The following CHMP2B variants were observed in gnomAD, a reference collection of about 807,000 sequenced individuals.
The protein encoded by CHMP2B is VPS2 homolog B.
A neutral mutation model predicts 29.8 loss-of-function variants in CHMP2B; 22 were observed. The ratio of observed to expected loss-of-function variants is 0.74; its 90% CI spans 0.53 to 1.05. The LOEUF is 1.05. Ranked by LOEUF, CHMP2B falls within the 50% of genes least tolerant of loss-of-function variation. The pLI is 0.00. For missense variants in CHMP2B, 261 were observed against 252.2 expected, an observed-to-expected ratio of 1.03 and a Z score of -0.24; for synonymous variants, 78 against 75.8, an observed-to-expected ratio of 1.03 and a Z score of -0.15.
chr3:87,234,760 G>T (rs1028292704), intron 1 of CHMP2B, among the ~76,000 whole-genome samples: 6 of 152,150 alleles, frequency 3.9e-5, no homozygotes, highest in African/African-American at 1.4e-4. Flanking sequence ...AGAAGCAGAG[G>T]ATAGACAGGA....
At chr3:87,230,711 T>G (rs1007608089) in intron 1 of CHMP2B, among the ~76,000 whole-genome samples, 6 of 152,084 alleles carry the variant, frequency 3.9e-5, no homozygotes, top group Admixed American at 3.3e-4. Context: ...TTTGAAGGAG[T>G]AGTGATGTCT....
rs1261392790 is a variant in CHMP2B, at chr3:87,254,919, A to G, written c.*1097A>G. The G allele has an allele frequency of 6.6e-6, 1 of 152,044 alleles. No homozygotes were observed. Among genetic ancestry groups the G allele is most frequent in the East Asian group, 1.9e-4 (1 of 5,194 alleles). 9.4% of individuals were successfully genotyped at this position (152,044 alleles called of 1,614,324 possible). A position where few individuals can be genotyped will look rare whatever the true frequency, so the allele number is the denominator to read the frequency against. The stretch of plus-strand genomic sequence containing the variant: ...TAAATAAACTACAGTTTTACCAGAA[A>G]TTACTATCTAAATGTGTATTAGCAG... On this transcript the variant is annotated 3_prime_UTR_variant, in exon 6 of 6. Transcript: ENST00000263780.
chr3:87,228,529 C>T lies in CHMP2B; in HGVS notation c.34+973C>T, dbSNP rs562157857. Among the ~76,000 whole-genome samples, 3 of 152,316 alleles carry T rather than the reference C, an allele frequency of 2.0e-5. No individual in the cohort carries two copies. In the South Asian group the frequency reaches 6.2e-4, roughly 32 times the overall value. Reference sequence around the variant, plus strand: ...CAGTGATTGGTACAAATAGGGTGCTCAGTCCAGACCTGGACGTAACTCCTT... The same window carrying T: ...CAGTGATTGGTACAAATAGGGTGCTTAGTCCAGACCTGGACGTAACTCCTT... On this transcript the variant is annotated intron_variant, in intron 1 of 5. Coordinates refer to ENST00000263780, the MANE Select transcript of CHMP2B (RefSeq NM_014043.4).
chr3:87,232,895 T>G (rs1448076817), intron 1 of CHMP2B, among the ~76,000 whole-genome samples: 1 of 152,194 alleles, frequency 6.6e-6, no homozygotes, highest in African/African-American at 2.4e-5. Flanking sequence ...ATCTTTTAGC[T>G]CTTGAAAACC....
intron 4 of CHMP2B, among the ~76,000 whole-genome samples, chr3:87,250,197 A>G (rs1706289597): frequency 6.6e-6 from 1 of 151,974 alleles, no homozygotes; most frequent in Non-Finnish European, 1.5e-5. Flanking sequence ...ACTGATTAGT[A>G]TACCAAAACC....
rs760226693 is a variant in CHMP2B at position 87,245,802 on chromosome 3, A to G, written c.215A>G (p.Lys72Arg). The G allele has an allele frequency of 1.7e-5, 28 of 1,613,790 alleles. No individual in the cohort carries two copies. In the African/African-American group the frequency reaches 3.7e-4, roughly 22 times the overall value. ...CAACTTGTGCATCTACGGAAACAGA[A>G]GACGAGAACTTTTGCTGTAAGTTCA... ...AKQLVHLRKQ[K>R]TRTFAVSSKV... Residue 72 changes from lysine to arginine, a missense_variant, in exon 3 of 6, where the codon AAG (lysine) becomes AGG (arginine). By Grantham distance (26) the Lys-to-Arg change is conservative. Transcript: ENST00000263780.
intron 2 of CHMP2B, among the ~76,000 whole-genome samples, chr3:87,242,543 C>T (rs1706136931): frequency 6.6e-6 from 1 of 152,086 alleles, no homozygotes; most frequent in Non-Finnish European, 1.5e-5. Context: ...GAGTGCCTAA[C>T]TCATAGTCAG....
chr3:87,240,623 C>G, intron 1 of CHMP2B, 76 bp from the exon 2 acceptor site: 2 of 1,020,648 alleles, frequency 2.0e-6, no homozygotes. Context: ...AAATCATGAT[C>G]TGTGAATCCA....
At chr3:87,239,810 A>G (rs1258799088) in intron 1 of CHMP2B, among the ~76,000 whole-genome samples, 1 of 152,156 alleles carries the variant, frequency 6.6e-6, no homozygotes, top group Non-Finnish European at 1.5e-5. Context: ...TTTGTATGTT[A>G]TTTACTCCTT....
chr3:87,239,808 T>C (rs371409615), intron 1 of CHMP2B, among the ~76,000 whole-genome samples: 1 of 152,190 alleles, frequency 6.6e-6, no homozygotes, highest in African/African-American at 2.4e-5. Context: ...CATTTGTATG[T>C]TATTTACTCC....
chr3:87,237,260 C>T (rs1454801490), intron 1 of CHMP2B, among the ~76,000 whole-genome samples: 6 of 152,122 alleles, frequency 3.9e-5, no homozygotes, highest in African/African-American at 1.4e-4. Context: ...GCTCTGACCA[C>T]TCATGTGACT....
intron 1 of CHMP2B, among the ~76,000 whole-genome samples, chr3:87,227,814 G>C (rs561307840): frequency 6.6e-6 from 1 of 152,330 alleles, no homozygotes; most frequent in East Asian, 1.9e-4. Context: ...GCAGGATCCT[G>C]AGCGTTTCGA....
chr3:87,240,730 A>G lies in CHMP2B; in HGVS notation c.66A>G (p.Arg22=). 6.2e-7 allele frequency: 1 copy of G among 1,613,476 alleles called. No homozygotes were observed. Among genetic ancestry groups the G allele is most frequent in the South Asian group, 1.1e-5 (1 of 91,072 alleles). Residue 22 remains arginine, a synonymous_variant, in exon 2 of 6, where the codon CGA becomes CGG. Coordinates refer to ENST00000263780, the MANE Select transcript of CHMP2B (RefSeq NM_014043.4). The stretch of plus-strand genomic sequence containing the variant: ...TAAAGGAACAGAATCGAGAGTTACG[A>G]GGTACACAGAGGGCTATAATCAGAG... ...DVIKEQNREL[R]GTQRAIIRDR... is the part of the protein sequence containing the mutation.
At chr3:87,253,132 AT>A (rs1163525183) in intron 4 of CHMP2B, 53 of 347,952 alleles carry the variant, frequency 1.5e-4, no homozygotes, top group Non-Finnish European at 2.5e-4. Flanking sequence ...TGACTATCAC[AT>A]TTTTTTGTCT....
chr3:87,255,467 CAATA>C lies in CHMP2B; in HGVS notation c.*1648_*1651del, dbSNP rs1399230366. ...CAAAAATTATTTTGTTAAAAAATCT[CAATA>C]AAGATTTATTATTGTTGTTCTTTTC... On this transcript the variant is annotated 3_prime_UTR_variant, in exon 6 of 6. Transcript: ENST00000263780. 6.6e-6 allele frequency: 1 copy of C among 152,320 alleles called. No homozygotes were observed. Among genetic ancestry groups the C allele is most frequent in the Non-Finnish European group, 1.5e-5 (1 of 67,920 alleles). The allele number at this position is 152,320 out of a possible 1,614,324, so 9.4% of individuals were successfully genotyped here.
At chr3:87,251,041 G>T (rs1449398028) in intron 4 of CHMP2B, among the ~76,000 whole-genome samples, 3 of 151,876 alleles carry the variant, frequency 2.0e-5, no homozygotes, top group Non-Finnish European at 2.9e-5. Context: ...TTACAACTAT[G>T]TAGGGATATA....
At chr3:87,236,628 G>C (rs1162383928) in intron 1 of CHMP2B, among the ~76,000 whole-genome samples, 1 of 152,012 alleles carries the variant, frequency 6.6e-6, no homozygotes, top group East Asian at 1.9e-4. Flanking sequence ...GAGGCGGTTG[G>C]ATCACCTGAG....
intron 1 of CHMP2B, among the ~76,000 whole-genome samples, chr3:87,237,547 C>T (rs1575964690): frequency 6.6e-6 from 1 of 152,154 alleles, no homozygotes; most frequent in Admixed American, 6.5e-5. Flanking sequence ...ATTGTGGCAG[C>T]CCTGGCAAAC....
chr3:87,228,978 A>G (rs747598374), intron 1 of CHMP2B, among the ~76,000 whole-genome samples: 3 of 152,026 alleles, frequency 2.0e-5, no homozygotes, highest in Non-Finnish European at 4.4e-5. Context: ...TGAGTTTTAT[A>G]TAGTTACAGT....
Sources: allele counts gnomAD v4.1 joint callset (sites outside exome capture counted in the v4.1 genomes callset), GRCh38; gene constraint gnomAD v4.1.1; transcripts MANE v1.5; gene names NCBI Gene and HGNC (gene_info 2026-07-23, HGNC 2026-07-21).